The following COL27A1 variants were observed in gnomAD, a reference collection of about 807,000 sequenced individuals.
The protein encoded by COL27A1 is collagen alpha-1(XXVII) chain.
A neutral mutation model predicts 251.3 loss-of-function variants in COL27A1; 106 were observed. That is an observed-to-expected ratio of 0.42 (90% confidence interval 0.36 to 0.50). COL27A1 has a LOEUF of 0.50. Ranked by LOEUF, COL27A1 falls within the 20% of genes least tolerant of loss-of-function variation. The pLI, the probability that COL27A1 is intolerant of heterozygous loss-of-function variation, is 0.00. For synonymous variants in COL27A1, 1,000 were observed against 986.3 expected, an observed-to-expected ratio of 1.01 and a Z score of -0.26; for missense variants, 2,325 against 2,522.8, an observed-to-expected ratio of 0.92 and a Z score of 1.68.
At chr9:114,302,255 G>C in intron 56 of COL27A1, 147 bp downstream of exon 56, 1 of 689,004 alleles carries the variant, frequency 1.5e-6, no homozygotes, top group Non-Finnish European at 2.5e-6. Context: ...TCATACTGGA[G>C]ACTTGGACCC....
At chr9:114,179,166 C>T (rs1827703331) in intron 4 of COL27A1, among the ~76,000 whole-genome samples, 1 of 152,212 alleles carries the variant, frequency 6.6e-6, no homozygotes, top group Non-Finnish European at 1.5e-5. Context: ...GCAGAGGTAG[C>T]TGCCTGGGGC....
intron 37 of COL27A1, among the ~76,000 whole-genome samples, chr9:114,277,467 T>TC (rs1029121883): frequency 6.6e-6 from 1 of 152,054 alleles, no homozygotes; most frequent in Admixed American, 6.6e-5. Flanking sequence ...ACACTGTTTT[T>TC]CCCCCCTGAA....
intron 10 of COL27A1, among the ~76,000 whole-genome samples, chr9:114,208,417 C>G (rs1830123136): frequency 6.6e-6 from 1 of 151,882 alleles, no homozygotes; most frequent in African/African-American, 2.4e-5. Context: ...CCACTGCACT[C>G]CAGCCTGGAT....
intron 13 of COL27A1, among the ~76,000 whole-genome samples, chr9:114,220,760 G>A (rs1240050941): frequency 1.3e-5 from 2 of 152,124 alleles, no homozygotes; most frequent in South Asian, 2.1e-4. Flanking sequence ...TTGGGAGGCC[G>A]AGGCGGCTAG....
chr9:114,308,377 C>T (rs966832384), intron 59 of COL27A1, among the ~76,000 whole-genome samples: 1 of 152,176 alleles, frequency 6.6e-6, no homozygotes, highest in African/African-American at 2.4e-5. Flanking sequence ...GCTCCGACTG[C>T]GGGGGAAAGG....
chr9:114,260,942 T>C (rs1413346361), intron 28 of COL27A1, among the ~76,000 whole-genome samples: 2 of 152,326 alleles, frequency 1.3e-5, no homozygotes, highest in Admixed American at 6.5e-5. Flanking sequence ...CCCCTGCCTG[T>C]GGGTGTTAGA....
At chr9:114,298,930 G>A (rs1828429949) in intron 49 of COL27A1, among the ~76,000 whole-genome samples, 2 of 152,018 alleles carry the variant, frequency 1.3e-5, no homozygotes, top group African/African-American at 2.4e-5. Flanking sequence ...TACAACTCAA[G>A]AATAAAAAGA....
At chr9:114,158,658 A>T (rs543059866) in intron 1 of COL27A1, among the ~76,000 whole-genome samples, 1 of 152,310 alleles carries the variant, frequency 6.6e-6, no homozygotes, top group South Asian at 2.1e-4. Flanking sequence ...GGCACTAACC[A>T]TGATTAGCAG....
At chr9:114,175,178 CT>C (rs1473275541) in intron 3 of COL27A1, among the ~76,000 whole-genome samples, 1 of 152,212 alleles carries the variant, frequency 6.6e-6, no homozygotes, top group East Asian at 1.9e-4. Context: ...TTCCATGGCT[CT>C]GTTTGCGTAC....
intron 28 of COL27A1, among the ~76,000 whole-genome samples, chr9:114,261,525 G>T (rs1426201886): frequency 6.6e-6 from 1 of 152,208 alleles, no homozygotes. Flanking sequence ...CAGGGTGGCT[G>T]GTGGCCCCAC....
Position 114,284,944 on chromosome 9 carries a change from G to A in COL27A1, c.3987+167G>A, listed in dbSNP as rs184671364. Among the ~76,000 whole-genome samples, 35 of 152,340 alleles carry A rather than the reference G, an allele frequency of 2.3e-4. 1 individual carries two copies. The South Asian group carries it at 5.0e-3, about 22-fold the overall frequency. ...GTGTCACTGCCACTGTGCCCAGCCC[G>A]CAGGAGCTGTCAGATCCACATTCAG... On this transcript the variant is annotated intron_variant, in intron 41 of 60. Coordinates refer to ENST00000356083, the MANE Select transcript of COL27A1 (RefSeq NM_032888.4).
rs200857377 is a variant in COL27A1, at chr9:114,169,191, G to A, written c.1636G>A (p.Gly546Arg). ...TGGATCGGAAGCCTCAAAGAAAGCC[G>A]GACCCAAGAGCAGCCCCCGGAAGCC... ...PIGSEASKKA[G>R]PKSSPRKPVP... The change falls in exon 3 of 61, where the codon GGA becomes AGA. Residue 546 changes from glycine to arginine, a missense_variant. Around this residue, in one of 4 missense-constraint regions of COL27A1, gnomAD observed 1,183 missense variants for 1,144.1 expected, o/e 1.03. Coordinates refer to ENST00000356083, the MANE Select transcript of COL27A1 (RefSeq NM_032888.4). 70 of 1,613,936 alleles carry A rather than the reference G, an allele frequency of 4.3e-5. No individual in the cohort carries two copies. The highest frequency in any genetic ancestry group is 2.9e-5 in the Non-Finnish European group (34 of 1,180,014).
At chr9:114,213,276 T>C (rs1830484570) in intron 12 of COL27A1, among the ~76,000 whole-genome samples, 2 of 152,082 alleles carry the variant, frequency 1.3e-5, no homozygotes, top group Admixed American at 1.3e-4. Flanking sequence ...CATGCCTCAG[T>C]TTCCCCCTTC....
At chr9:114,252,162 T>G (rs1460487942) in intron 25 of COL27A1, among the ~76,000 whole-genome samples, 1 of 152,190 alleles carries the variant, frequency 6.6e-6, no homozygotes, top group Non-Finnish European at 1.5e-5. Flanking sequence ...TTCTCTAGCA[T>G]CTCATCTAGG....
chr9:114,182,993 T>A, intron 4 of COL27A1, 29 bp from the exon 5 acceptor site: 1 of 1,608,866 alleles, frequency 6.2e-7, no homozygotes, highest in East Asian at 2.2e-5. Context: ...TTGTCACCTT[T>A]TTTTGTTTTT....
At chr9:114,247,565 T>C (rs1833230228) in intron 24 of COL27A1, among the ~76,000 whole-genome samples, 1 of 152,150 alleles carries the variant, frequency 6.6e-6, no homozygotes, top group South Asian at 2.1e-4. Context: ...CCAAGTGGGA[T>C]AGTGGTAGAA....
chr9:114,220,839 C>G (rs1482007536), intron 13 of COL27A1, among the ~76,000 whole-genome samples: 6 of 151,906 alleles, frequency 3.9e-5, no homozygotes, highest in Non-Finnish European at 8.8e-5. Context: ...ACTAAAAATA[C>G]AAAAAATTAG....
chr9:114,253,989 G>A (rs577068856), intron 27 of COL27A1, among the ~76,000 whole-genome samples: 6 of 152,274 alleles, frequency 3.9e-5, no homozygotes, highest in African/African-American at 1.4e-4. Flanking sequence ...GGGATCACAA[G>A]CGTGTGCCAC....
intron 2 of COL27A1, among the ~76,000 whole-genome samples, chr9:114,165,347 CCATCCATCCATCCATCCATT>C (rs1448105001): frequency 1.3e-5 from 2 of 150,330 alleles, no homozygotes; most frequent in Non-Finnish European, 2.9e-5. Context: ...TATCCATCAT[CCATCCATCCATCCATCCATT>C]CATCCATCCA....
Sources: gnomAD v4.1 joint callset for allele counts (sites outside exome capture counted in the v4.1 genomes callset) on GRCh38, gnomAD v4.1.1 for gene constraint, gnomAD v4.1.1 regional missense constraint, MANE v1.5 for transcripts, NCBI Gene and HGNC (gene_info 2026-07-23, HGNC 2026-07-21) for gene names.